Variants in FKTN observed in about 807,000 individuals in gnomAD.
The protein encoded by FKTN is fukutin.
In FKTN, 47 loss-of-function variants were observed where a neutral mutation model predicts 58.6. That is an observed-to-expected ratio of 0.80 (90% CI 0.63 to 1.02). The LOEUF is 1.02. Ranked by LOEUF, FKTN falls within the 50% of genes least tolerant of loss-of-function variation. FKTN has a pLI of 0.00. For missense variants in FKTN, 516 were observed against 537.3 expected (o/e 0.96, Z 0.39); for synonymous variants, 178 against 191.9 (o/e 0.93, Z 0.60).
At chr9:105,623,285 T>C (rs1832269407) in intron 10 of FKTN, 1 of 152,206 alleles carries the variant, frequency 6.6e-6, no homozygotes, top group African/African-American at 2.4e-5. Flanking sequence ...CAAGCTTTTA[T>C]ATGTGTTATC....
intron 7 of FKTN, among the ~76,000 whole-genome samples, chr9:105,614,905 A>G (rs1348934388): frequency 2.2e-5 from 3 of 139,534 alleles, no homozygotes; most frequent in Non-Finnish European, 3.1e-5. Context: ...TTCTTTTTTG[A>G]GACAGTCTCA....
intron 10 of FKTN, among the ~76,000 whole-genome samples, chr9:105,634,326 G>T (rs1833820650): frequency 6.6e-6 from 1 of 151,928 alleles, no homozygotes; most frequent in Admixed American, 6.6e-5. Flanking sequence ...TAGAGATGGG[G>T]TTTCGTCATG....
chr9:105,633,208 C>T (rs573972282), intron 10 of FKTN: 9 of 152,198 alleles, frequency 5.9e-5, no homozygotes, highest in South Asian at 2.1e-4. Context: ...AAATTGTCTT[C>T]GAATTATTTT....
intron 1 of FKTN, 68 bp from the exon 2 acceptor site, chr9:105,573,587 C>G (rs1841157164): frequency 6.6e-6 from 1 of 151,276 alleles, no homozygotes; most frequent in Non-Finnish European, 1.5e-5. Context: ...ATGATTGCAC[C>G]ATTATACTTC....
At chr9:105,625,164 A>G (rs757759129) in intron 10 of FKTN, among the ~76,000 whole-genome samples, 2 of 152,206 alleles carry the variant, frequency 1.3e-5, no homozygotes, top group Non-Finnish European at 2.9e-5. Context: ...AATGTTACAG[A>G]GATGAATATA....
chr9:105,623,946 AT>A (rs1832378889), intron 10 of FKTN, among the ~76,000 whole-genome samples: 1 of 152,196 alleles, frequency 6.6e-6, no homozygotes, highest in Non-Finnish European at 1.5e-5. Context: ...TTATTTAATG[AT>A]TTTTAAATTA....
intron 3 of FKTN, among the ~76,000 whole-genome samples, chr9:105,590,701 T>C (rs540979968): frequency 6.6e-6 from 1 of 152,152 alleles, no homozygotes; most frequent in Non-Finnish European, 1.5e-5. Context: ...GTTTGAGGAA[T>C]GGTGAAAATC....
intron 8 of FKTN, 59 bp from the exon 9 acceptor site, chr9:105,617,900 A>G: frequency 9.5e-7 from 1 of 1,054,904 alleles, no homozygotes; most frequent in South Asian, 1.4e-5. Context: ...ATAATTTGTT[A>G]TAATAACTAA....
At chr9:105,591,673 G>A (rs1439405738) in intron 3 of FKTN, among the ~76,000 whole-genome samples, 1 of 152,058 alleles carries the variant, frequency 6.6e-6, no homozygotes, top group African/African-American at 2.4e-5. Context: ...ACCACTTTGG[G>A]GTCTGGAGGA....
chr9:105,629,667 TG>T (rs1833158551), intron 10 of FKTN, among the ~76,000 whole-genome samples: 1 of 152,144 alleles, frequency 6.6e-6, no homozygotes, highest in African/African-American at 2.4e-5. Flanking sequence ...CTTTAGTACT[TG>T]TTTTAAATTG....
rs530025387 is a variant in FKTN at position 105,568,200 on chromosome 9, C to T, written c.-180-5455C>T. Among the ~76,000 whole-genome samples the T allele has an allele frequency of 2.0e-3, 311 of 152,238 alleles. 1 individual carries two copies. The highest frequency in any genetic ancestry group is 7.0e-3 in the African/African-American group (289 of 41,540). Reference sequence around the variant, plus strand: ...AAACCATAAAAACCCTAGAAGAAAACCAAGGCAATACCATTCAGGACATAG... The same window carrying T: ...AAACCATAAAAACCCTAGAAGAAAATCAAGGCAATACCATTCAGGACATAG... On this transcript the variant is annotated intron_variant, in intron 1 of 10. Transcript: ENST00000357998.
chr9:105,639,836 G>A lies in FKTN; in HGVS notation c.*4572G>A, dbSNP rs1834302557. On this transcript the variant is annotated 3_prime_UTR_variant, in exon 11 of 11. Transcript: ENST00000357998. ...ATGCTACCTAGTTTGCTGGTCCCAA[G>A]CAGTTTACTGTACTTCACTAGATTT... The A allele has an allele frequency of 1.6e-6, 2 of 1,281,324 alleles. No individual in the cohort carries two copies. The highest frequency in any genetic ancestry group is 2.0e-6 in the Non-Finnish European group (2 of 1,014,634). 79.4% of individuals were successfully genotyped at this position (1,281,324 alleles called of 1,614,324 possible).
Position 105,596,274 on chromosome 9 carries a change from C to T in FKTN, c.106-324C>T, listed in dbSNP as rs113816380. ...AATATGTTGAGATTGCAGATATAGACATAGACCTTAACAGACAAACCCTAA... is the reference window on the plus strand; with the variant it reads ...AATATGTTGAGATTGCAGATATAGATATAGACCTTAACAGACAAACCCTAA... On this transcript the variant is annotated intron_variant, in intron 3 of 10. Transcript: ENST00000357998. Among the ~76,000 whole-genome samples the T allele has an allele frequency of 2.5e-4, 38 of 152,244 alleles. 1 individual carries two copies. The highest frequency in any genetic ancestry group is 8.9e-4 in the African/African-American group (37 of 41,552).
intron 2 of FKTN, among the ~76,000 whole-genome samples, chr9:105,574,509 A>G (rs1387738441): frequency 3.9e-5 from 6 of 151,912 alleles, no homozygotes; most frequent in Non-Finnish European, 5.9e-5. Context: ...AAACTTGAAA[A>G]GCAACAAAGA....
intron 6 of FKTN, among the ~76,000 whole-genome samples, chr9:105,605,786 G>C (rs1828785039): frequency 6.6e-6 from 1 of 152,000 alleles, no homozygotes; most frequent in Admixed American, 6.6e-5. Flanking sequence ...TGGTTAATGG[G>C]TACAAAAAAA....
intron 9 of FKTN, 97 bp downstream of exon 9, chr9:105,618,189 T>C: frequency 1.0e-6 from 1 of 988,190 alleles, no homozygotes; most frequent in Non-Finnish European, 1.6e-6. Flanking sequence ...GCTACATACA[T>C]AATTTTATCA....
intron 9 of FKTN, 99 bp downstream of exon 9, chr9:105,618,191 A>G: frequency 1.0e-6 from 1 of 975,324 alleles, no homozygotes; most frequent in Non-Finnish European, 1.6e-6. Flanking sequence ...TACATACATA[A>G]TTTTATCACT....
Position 105,636,150 on chromosome 9 carries a change from T to C in FKTN, c.*886T>C. The C allele has an allele frequency of 1.1e-6, 1 of 946,522 alleles. No homozygotes were observed. The highest frequency in any genetic ancestry group is 1.3e-6 in the Non-Finnish European group (1 of 794,728). 58.6% of individuals were successfully genotyped at this position (946,522 alleles called of 1,614,324 possible). The stretch of plus-strand genomic sequence containing the variant: ...AAATATGAGAAATTCATGTACATTT[T>C]ATATTTTCTGAATTTATAATCTGTG... On this transcript the variant is annotated 3_prime_UTR_variant, in exon 11 of 11. Transcript: ENST00000357998.
At chr9:105,627,628 A>G (rs1832897577) in intron 10 of FKTN, among the ~76,000 whole-genome samples, 2 of 152,174 alleles carry the variant, frequency 1.3e-5, no homozygotes, top group African/African-American at 4.8e-5. Context: ...CTAGATTATC[A>G]TACATCACTG....
Sources: allele counts gnomAD v4.1 joint callset (sites outside exome capture counted in the v4.1 genomes callset), GRCh38; gene constraint gnomAD v4.1.1; transcripts MANE v1.5; gene names NCBI Gene and HGNC (gene_info 2026-07-23, HGNC 2026-07-21).